SLC27A6: variants seen among roughly 807,000 people sequenced by gnomAD.
The protein encoded by SLC27A6 is solute carrier family 27 member 6.
A neutral mutation model predicts 63.9 loss-of-function variants in SLC27A6; 74 were observed. That is an observed-to-expected ratio of 1.16 (90% CI 0.96 to 1.40). The LOEUF is 1.40. Among genes scored for constraint, SLC27A6 ranks in the 40% most tolerant of loss-of-function variants. The pLI is 0.00. For missense variants in SLC27A6, 794 were observed against 732.9 expected, an observed-to-expected ratio of 1.08 and a Z score of -0.96; for synonymous variants, 287 against 260.8, an observed-to-expected ratio of 1.10 and a Z score of -0.97.
At chr5:128,974,711 C>A (rs965730383) in intron 1 of SLC27A6, among the ~76,000 whole-genome samples, 3 of 152,018 alleles carry the variant, frequency 2.0e-5, no homozygotes, top group African/African-American at 7.2e-5. Flanking sequence ...CCAGACAGAC[C>A]CAAATTCCAT....
At chr5:129,013,576 CCT>C (rs1310541729) in intron 4 of SLC27A6, among the ~76,000 whole-genome samples, 7 of 151,872 alleles carry the variant, frequency 4.6e-5, no homozygotes, top group Non-Finnish European at 1.0e-4. Context: ...TAAAATTCTC[CCT>C]CTCTTTTTAA....
intron 4 of SLC27A6, among the ~76,000 whole-genome samples, chr5:128,994,944 T>G (rs1751106164): frequency 6.6e-6 from 1 of 152,214 alleles, no homozygotes; most frequent in African/African-American, 2.4e-5. Context: ...TAGATGTACT[T>G]CTTTAAAACT....
intron 4 of SLC27A6, among the ~76,000 whole-genome samples, chr5:129,013,120 T>C (rs549469240): frequency 6.6e-6 from 1 of 152,128 alleles, no homozygotes; most frequent in Non-Finnish European, 1.5e-5. Flanking sequence ...TAAGTATTTT[T>C]CTTTGAGTAA....
At chr5:128,980,910 A>G (rs1196299782) in intron 1 of SLC27A6, among the ~76,000 whole-genome samples, 6 of 152,212 alleles carry the variant, frequency 3.9e-5, no homozygotes, top group Non-Finnish European at 7.3e-5. Flanking sequence ...TACTAATGGC[A>G]TATTAGAGGG....
intron 5 of SLC27A6, among the ~76,000 whole-genome samples, chr5:129,022,551 C>T (rs766619916): frequency 6.6e-6 from 1 of 152,078 alleles, no homozygotes; most frequent in Non-Finnish European, 1.5e-5. Flanking sequence ...TCCCCCCATT[C>T]ATCTTTCCTT....
chr5:128,966,798 A>C (rs1749922171), intron 1 of SLC27A6, among the ~76,000 whole-genome samples, 180 bp downstream of exon 1: 1 of 152,198 alleles, frequency 6.6e-6, no homozygotes, highest in South Asian at 2.1e-4. Context: ...CCCTTCAGGC[A>C]CGTAGTTTCA....
chr5:129,021,301 A>G (rs566597485), intron 5 of SLC27A6, among the ~76,000 whole-genome samples: 18 of 152,034 alleles, frequency 1.2e-4, no homozygotes, highest in African/African-American at 4.3e-4. Flanking sequence ...ATTCTTTACT[A>G]CACAGGGACT....
chr5:128,971,683 T>A (rs1006355392), intron 1 of SLC27A6, among the ~76,000 whole-genome samples: 12 of 152,186 alleles, frequency 7.9e-5, no homozygotes, highest in African/African-American at 2.9e-4. Flanking sequence ...GTCTCCTGAA[T>A]ACAGCACACT....
intron 1 of SLC27A6, among the ~76,000 whole-genome samples, chr5:128,969,091 T>C (rs1262501668): frequency 6.6e-6 from 1 of 152,160 alleles, no homozygotes; most frequent in Admixed American, 6.5e-5. Flanking sequence ...TGGTATTATT[T>C]CTGAGGGCTC....
intron 2 of SLC27A6, among the ~76,000 whole-genome samples, chr5:128,987,049 T>C (rs1750814338): frequency 6.6e-6 from 1 of 152,172 alleles, no homozygotes; most frequent in Non-Finnish European, 1.5e-5. Flanking sequence ...TGAGACGTAA[T>C]TCTGGAAAAG....
Position 128,990,333 on chromosome 5 carries a change from C to T in SLC27A6, c.845-7C>T, listed in dbSNP as rs771558971. On this transcript the variant is annotated splice_region_variant and splice_polypyrimidine_tract_variant and intron_variant, in intron 3 of 9. Transcript: ENST00000262462. Reference sequence around the variant, plus strand: ...TCCCTAGTGCCTGTTTTTGTCTTTTCTTATAGGTGCCACTTGTGTGTTAAA... The same window carrying T: ...TCCCTAGTGCCTGTTTTTGTCTTTTTTTATAGGTGCCACTTGTGTGTTAAA... 6.2e-7 allele frequency: 1 copy of T among 1,607,876 alleles called. No homozygotes were observed. Among genetic ancestry groups the T allele is most frequent in the Non-Finnish European group, 8.5e-7 (1 of 1,178,418 alleles).
intron 3 of SLC27A6, 97 bp from the exon 4 acceptor site, chr5:128,990,243 G>A (rs376601259): frequency 5.7e-6 from 7 of 1,228,150 alleles, no homozygotes; most frequent in African/African-American, 1.5e-5. Context: ...TTTAAAATGA[G>A]CAAACATGTT....
At chr5:128,979,027 T>C (rs1750490066) in intron 1 of SLC27A6, among the ~76,000 whole-genome samples, 1 of 152,056 alleles carries the variant, frequency 6.6e-6, no homozygotes, top group African/African-American at 2.4e-5. Flanking sequence ...TTAGGTTTGA[T>C]CAATGATTAT....
chr5:129,005,427 T>G (rs991672656), intron 4 of SLC27A6, among the ~76,000 whole-genome samples: 2 of 152,082 alleles, frequency 1.3e-5, no homozygotes, highest in African/African-American at 4.8e-5. Context: ...TACTAAGAAG[T>G]TTTTGCTATT....
chr5:128,968,349 A>G (rs1290222119), intron 1 of SLC27A6, among the ~76,000 whole-genome samples: 1 of 152,108 alleles, frequency 6.6e-6, no homozygotes, highest in East Asian at 1.9e-4. Flanking sequence ...CGTCTTCCAC[A>G]ATGGTTGAAC....
intron 6 of SLC27A6, among the ~76,000 whole-genome samples, chr5:129,025,662 A>G (rs1752216844): frequency 6.6e-6 from 1 of 152,036 alleles, no homozygotes; most frequent in African/African-American, 2.4e-5. Flanking sequence ...TTGTGATGAT[A>G]ATGATGGTGA....
intron 1 of SLC27A6, among the ~76,000 whole-genome samples, chr5:128,975,271 A>C (rs971018675): frequency 6.6e-6 from 1 of 152,234 alleles, no homozygotes; most frequent in African/African-American, 2.4e-5. Flanking sequence ...GAATCATTTG[A>C]ACACAGGAGG....
chr5:129,004,565 C>T (rs1034809483), intron 4 of SLC27A6, among the ~76,000 whole-genome samples: 1 of 152,150 alleles, frequency 6.6e-6, no homozygotes, highest in Non-Finnish European at 1.5e-5. Context: ...TTATGCATGT[C>T]CTCTCATTCC....
intron 4 of SLC27A6, among the ~76,000 whole-genome samples, chr5:128,992,588 T>G (rs1433800813): frequency 6.6e-6 from 1 of 152,160 alleles, no homozygotes; most frequent in East Asian, 1.9e-4. Flanking sequence ...CAGATAAATG[T>G]TTTACATTTT....
Sources: gnomAD v4.1 joint callset for allele counts (sites outside exome capture counted in the v4.1 genomes callset) on GRCh38, gnomAD v4.1.1 for gene constraint, MANE v1.5 for transcripts, NCBI Gene and HGNC (gene_info 2026-07-23, HGNC 2026-07-21) for gene names.